Variants in CACNA1G observed in about 807,000 individuals in gnomAD.
CACNA1G encodes the protein voltage-dependent T-type calcium channel subunit alpha-1G.
CACNA1G carries 67 observed loss-of-function variants against 219.4 expected under a neutral mutation model. That is an observed-to-expected ratio of 0.31 (90% confidence interval 0.25 to 0.37). The LOEUF (loss-of-function observed/expected upper bound fraction) is 0.37. CACNA1G is among the 10% of genes least tolerant of loss of function. The pLI is 1.00. For missense variants in CACNA1G, 2,380 were observed against 3,231.4 expected, an observed-to-expected ratio of 0.74 and a Z score of 6.39; for synonymous variants, 1,296 against 1,345.3, an observed-to-expected ratio of 0.96 and a Z score of 0.80.
intron 13 of CACNA1G, among the ~76,000 whole-genome samples, chr17:50,593,416 C>T (rs888655965): frequency 1.3e-5 from 2 of 152,242 alleles, no homozygotes; most frequent in African/African-American, 4.8e-5. Context: ...GGGCCTATTC[C>T]CCTCCCCTCC....
chr17:50,589,924 G>C lies in CACNA1G; in HGVS notation c.2302-547G>C, dbSNP rs796995489. On this transcript the variant is annotated intron_variant, in intron 9 of 37. Transcript: ENST00000359106. Reference sequence around the variant, plus strand: ...TCTCTCTCTCTCTCTGTGTGTGTGTGTGTGTGTGTGTGTGTGTGTGTGTGT... The same window carrying C: ...TCTCTCTCTCTCTCTGTGTGTGTGTCTGTGTGTGTGTGTGTGTGTGTGTGT... Among the ~76,000 whole-genome samples, 37 of 150,214 alleles carry C rather than the reference G, an allele frequency of 2.5e-4. No individual in the cohort carries two copies. In the South Asian group the frequency reaches 6.1e-3, roughly 25 times the overall value.
In CACNA1G at chr17:50,618,304, C is replaced by T. The variant is rs780008453; in HGVS notation, c.5388C>T (p.Phe1796=). 3.7e-5 allele frequency: 59 copies of T among 1,613,816 alleles called. 1 individual carries two copies. The highest frequency in any genetic ancestry group is 4.2e-5 in the Non-Finnish European group (50 of 1,179,858). Residue 1796 remains phenylalanine (F), a synonymous_variant, in exon 32 of 38, where the codon TTC becomes TTT. Coordinates refer to ENST00000359106, the MANE Select transcript of CACNA1G (RefSeq NM_018896.5). This position sits in a 1 kb window ranked among gnomAD's most constrained non-coding sequence, Gnocchi z 5.3. Reference sequence around the variant, plus strand: ...TTGGCATGGCCTTCCTAACCCTCTTCCGAGTCTCCACAGGTGACAATTGGA... The same window carrying T: ...TTGGCATGGCCTTCCTAACCCTCTTTCGAGTCTCCACAGGTGACAATTGGA... ...RNFGMAFLTL[F]RVSTGDNWNG... is the part of the protein sequence containing the mutation.
intron 16 of CACNA1G, among the ~76,000 whole-genome samples, chr17:50,597,688 T>G (rs898841675): frequency 6.6e-6 from 1 of 152,210 alleles, no homozygotes; most frequent in African/African-American, 2.4e-5. Flanking sequence ...TGCATTACGT[T>G]ATTATTGACT....
At position 50,603,342 on chromosome 17, in the gene CACNA1G, C is replaced by T. The variant is rs1462165151; in HGVS notation, c.4169+143C>T. Reference sequence around the variant, plus strand: ...TGTGACCCCCACAGGCGATCCTGTCCCCGCCCCAGACAACACTCAGATTAC... The same window carrying T: ...TGTGACCCCCACAGGCGATCCTGTCTCCGCCCCAGACAACACTCAGATTAC... On this transcript the variant is annotated intron_variant, in intron 21 of 37. Coordinates refer to ENST00000359106, the MANE Select transcript of CACNA1G (RefSeq NM_018896.5). This position sits in a 1 kb window ranked among gnomAD's most constrained non-coding sequence, Gnocchi z 6.4. The T allele has an allele frequency of 2.3e-5, 16 of 694,594 alleles. No homozygotes were observed. In the East Asian group the frequency reaches 3.8e-4, roughly 17 times the overall value. 43.0% of individuals were successfully genotyped at this position (694,594 alleles called of 1,614,324 possible).
intron 1 of CACNA1G, among the ~76,000 whole-genome samples, chr17:50,565,465 T>C (rs990021354): frequency 6.6e-6 from 1 of 151,606 alleles, no homozygotes; most frequent in African/African-American, 2.4e-5. Context: ...ACCCTAGGGG[T>C]TGCCGAATCC....
At chr17:50,590,714 G>A in intron 10 of CACNA1G, 92 bp downstream of exon 10, 2 of 1,233,328 alleles carry the variant, frequency 1.6e-6, no homozygotes, top group East Asian at 2.6e-5. Context: ...CCCCTGGGGT[G>A]GAGGGGTCTG....
chr17:50,580,420 C>T (rs1410645991), intron 9 of CACNA1G, among the ~76,000 whole-genome samples: 1 of 152,304 alleles, frequency 6.6e-6, no homozygotes, highest in East Asian at 1.9e-4. Context: ...TCCCCAGTGC[C>T]CCCTCCCTAC....
intron 1 of CACNA1G, among the ~76,000 whole-genome samples, chr17:50,563,437 C>G (rs969450019): frequency 3.9e-5 from 6 of 152,208 alleles, no homozygotes; most frequent in Admixed American, 3.3e-4. Flanking sequence ...CCTCTCTGCC[C>G]CTAATCATTT....
intron 9 of CACNA1G, among the ~76,000 whole-genome samples, chr17:50,581,210 G>A (rs1431902885): frequency 6.6e-6 from 1 of 151,814 alleles, no homozygotes; most frequent in Non-Finnish European, 1.5e-5. Flanking sequence ...GAGACACACA[G>A]GGAGACAGAG....
At chr17:50,588,894 C>T (rs1464828447) in intron 9 of CACNA1G, among the ~76,000 whole-genome samples, 2 of 152,204 alleles carry the variant, frequency 1.3e-5, no homozygotes, top group African/African-American at 4.8e-5. Context: ...TTTTCACCTC[C>T]CATCCAAGCT....
chr17:50,612,887 A>G (rs2049541257), intron 26 of CACNA1G, among the ~76,000 whole-genome samples: 2 of 152,250 alleles, frequency 1.3e-5, no homozygotes, highest in Non-Finnish European at 2.9e-5. Flanking sequence ...CCACAGGTCC[A>G]GGCTCCTCCT....
chr17:50,621,862 C>G lies in CACNA1G; in HGVS notation c.6060+68C>G, dbSNP rs986373346. ...CTGGACTGGCTGCAGGGCTCCAGATCGGCCCAGGGAGGGTCCTGGGGCCGC... is the reference window on the plus strand; with the variant it reads ...CTGGACTGGCTGCAGGGCTCCAGATGGGCCCAGGGAGGGTCCTGGGGCCGC... On this transcript the variant is annotated intron_variant, in intron 35 of 37. Coordinates refer to ENST00000359106, the MANE Select transcript of CACNA1G (RefSeq NM_018896.5). This position sits in a 1 kb window ranked among gnomAD's most constrained non-coding sequence, Gnocchi z 4.6. The G allele has an allele frequency of 6.3e-7, 1 of 1,583,642 alleles. No homozygotes were observed. The highest frequency in any genetic ancestry group is 2.2e-5 in the East Asian group (1 of 44,612).
Position 50,618,565 on chromosome 17 carries a change from C to A in CACNA1G, c.5428-90C>A. Reference sequence around the variant, plus strand: ...CCTCCTCCCCTTCCTTCCCATCCTCCAATGCTCTGTGACACCAGTGACCTG... The same window carrying A: ...CCTCCTCCCCTTCCTTCCCATCCTCAAATGCTCTGTGACACCAGTGACCTG... On this transcript the variant is annotated intron_variant, in intron 32 of 37. Coordinates refer to ENST00000359106, the MANE Select transcript of CACNA1G (RefSeq NM_018896.5). This position sits in a 1 kb window ranked among gnomAD's most constrained non-coding sequence, Gnocchi z 5.3. 1.8e-6 allele frequency: 2 copies of A among 1,118,202 alleles called. No individual in the cohort carries two copies. The highest frequency in any genetic ancestry group is 2.6e-6 in the Non-Finnish European group (2 of 762,896). 69.3% of individuals were successfully genotyped at this position (1,118,202 alleles called of 1,614,324 possible). A position where few individuals can be genotyped will look rare whatever the true frequency, so the allele number is the denominator to read the frequency against.
At chr17:50,573,177 A>T in intron 7 of CACNA1G, 64 bp downstream of exon 7, 1 of 1,195,170 alleles carries the variant, frequency 8.4e-7, no homozygotes, top group Non-Finnish European at 1.2e-6. Flanking sequence ...GGGGCAGTCC[A>T]GAGAGGGGAT....
In CACNA1G at chr17:50,594,985, C is replaced by A. The variant is rs781079297; in HGVS notation, c.2911-8C>A. The A allele has an allele frequency of 1.9e-6, 3 of 1,552,574 alleles. No homozygotes were observed. Among genetic ancestry groups the A allele is most frequent in the Non-Finnish European group, 2.6e-6 (3 of 1,147,596 alleles). On this transcript the variant is annotated splice_polypyrimidine_tract_variant and splice_region_variant and intron_variant, in intron 13 of 37. Transcript: ENST00000359106. Reference sequence around the variant, plus strand: ...GCAGCCCTCCCCTGCCTCCCCCTTTCCCTGTAGGAAATCAGCAAACGGGAA... The same window carrying A: ...GCAGCCCTCCCCTGCCTCCCCCTTTACCTGTAGGAAATCAGCAAACGGGAA...
At chr17:50,622,674 G>C (rs2052457203) in intron 35 of CACNA1G, among the ~76,000 whole-genome samples, 1 of 152,324 alleles carries the variant, frequency 6.6e-6, no homozygotes, top group Non-Finnish European at 1.5e-5. Context: ...GAAGGGTTCA[G>C]GGGGAAGGGG....
At chr17:50,580,146 C>A (rs1222008165) in intron 9 of CACNA1G, among the ~76,000 whole-genome samples, 1 of 152,104 alleles carries the variant, frequency 6.6e-6, no homozygotes, top group Non-Finnish European at 1.5e-5. Context: ...AGCGGGTGGG[C>A]GCACTTGACA....
chr17:50,619,838 C>T lies in CACNA1G; in HGVS notation c.5925+12C>T, dbSNP rs1421204935. 4 of 1,597,828 alleles carry T rather than the reference C, an allele frequency of 2.5e-6. No homozygotes were observed. Among genetic ancestry groups the T allele is most frequent in the South Asian group, 1.1e-5 (1 of 89,154 alleles). On this transcript the variant is annotated intron_variant, in intron 34 of 37. Transcript: ENST00000359106. ...GCTCCGACCCACAGGTTACTGTGCC[C>T]CTGTGCTGTGCCCTCTCCCCTGACC...
intron 13 of CACNA1G, among the ~76,000 whole-genome samples, chr17:50,593,393 T>C (rs1446700170): frequency 1.3e-5 from 2 of 152,036 alleles, no homozygotes; most frequent in Admixed American, 1.3e-4. Flanking sequence ...TGGAGGGAAA[T>C]GGAAAACACC....
Sources: allele counts gnomAD v4.1 joint callset (sites outside exome capture counted in the v4.1 genomes callset), GRCh38; gene constraint gnomAD v4.1.1; non-coding constraint Gnocchi (gnomAD v3.1); transcripts MANE v1.5; gene names NCBI Gene and HGNC (gene_info 2026-07-23, HGNC 2026-07-21).